KIF26B: variants seen among roughly 807,000 people sequenced by gnomAD.
KIF26B encodes the protein kinesin-like protein KIF26B.
A neutral mutation model predicts 151.2 loss-of-function variants in KIF26B; 63 were observed. That is an observed-to-expected ratio of 0.42 (90% CI 0.34 to 0.51). The LOEUF is 0.51. KIF26B is among the 20% of genes least tolerant of loss of function. The pLI is 0.07. For missense variants in KIF26B, 2,813 were observed against 2,913.6 expected, an observed-to-expected ratio of 0.97 and a Z score of 0.79; for synonymous variants, 1,357 against 1,262.1, an observed-to-expected ratio of 1.08 and a Z score of -1.59.
intron 10 of KIF26B, among the ~76,000 whole-genome samples, chr1:245,672,846 A>T (rs1438083052): frequency 6.6e-6 from 1 of 152,126 alleles, no homozygotes; most frequent in Admixed American, 6.5e-5. Flanking sequence ...GGTTGGTAAT[A>T]CTGTATTGTA....
intron 3 of KIF26B, among the ~76,000 whole-genome samples, chr1:245,405,874 C>T (rs1471605099): frequency 6.6e-6 from 1 of 152,166 alleles, no homozygotes; most frequent in East Asian, 1.9e-4. Context: ...CAAGTCGAAA[C>T]TGGAACCATG....
chr1:245,639,257 G>C (rs974471183), intron 9 of KIF26B, among the ~76,000 whole-genome samples: 5 of 151,594 alleles, frequency 3.3e-5, no homozygotes, highest in Admixed American at 2.6e-4. Flanking sequence ...CAATTTATTG[G>C]CATATAGTTA....
rs77957691 is a variant in KIF26B, at chr1:245,526,313, C to T, written c.1167-14454C>T. ...GGAAAGGAGGGGATGTGAATTTCTG[C>T]CTCTCTGCCTCTAGTGGGGCTGCTA... On this transcript the variant is annotated intron_variant, in intron 4 of 14. Coordinates refer to ENST00000407071, the MANE Select transcript of KIF26B (RefSeq NM_018012.4). Among the ~76,000 whole-genome samples, 4 of 152,258 alleles carry T rather than the reference C, an allele frequency of 2.6e-5. No individual in the cohort carries two copies. In the East Asian group the frequency reaches 7.7e-4, roughly 29 times the overall value.
chr1:245,382,726 G>A (rs1324975617), intron 3 of KIF26B, among the ~76,000 whole-genome samples: 1 of 151,582 alleles, frequency 6.6e-6, no homozygotes, highest in Non-Finnish European at 1.5e-5. Context: ...GCACCACCAC[G>A]CCCGGCTAAT....
At chr1:245,470,338 C>G (rs113747300) in intron 4 of KIF26B, among the ~76,000 whole-genome samples, 196 of 152,188 alleles carry the variant, frequency 1.3e-3, no homozygotes, top group African/African-American at 4.3e-3. Flanking sequence ...GAAAAGAAAG[C>G]AGTGGATTCA....
intron 4 of KIF26B, among the ~76,000 whole-genome samples, chr1:245,508,625 T>G (rs1244380514): frequency 6.6e-6 from 1 of 152,158 alleles, no homozygotes; most frequent in Non-Finnish European, 1.5e-5. Context: ...TTTCACCAAA[T>G]TTAGTGACCG....
In KIF26B at chr1:245,155,017, C is replaced by T; in HGVS notation, c.-408C>T. On this transcript the variant is annotated 5_prime_UTR_variant, in exon 1 of 15. Coordinates refer to ENST00000407071, the MANE Select transcript of KIF26B (RefSeq NM_018012.4). Reference sequence around the variant, plus strand: ...AAGCTCGGTGAAGGAGACAAGTTCCCACAGCTGACTCGGCTCGGCTCTCCC... The same window carrying T: ...AAGCTCGGTGAAGGAGACAAGTTCCTACAGCTGACTCGGCTCGGCTCTCCC... 4.6e-6 allele frequency: 2 copies of T among 434,972 alleles called. No individual in the cohort carries two copies. The highest frequency in any genetic ancestry group is 8.0e-6 in the Non-Finnish European group (2 of 251,002). 26.9% of individuals were successfully genotyped at this position (434,972 alleles called of 1,614,324 possible).
intron 5 of KIF26B, among the ~76,000 whole-genome samples, chr1:245,580,258 G>A (rs1157085281): frequency 1.3e-5 from 2 of 152,306 alleles, no homozygotes; most frequent in East Asian, 3.9e-4. Context: ...CCCTTTGCCA[G>A]TGGGACATCA....
At chr1:245,579,456 C>T (rs952635939) in intron 5 of KIF26B, among the ~76,000 whole-genome samples, 3 of 151,962 alleles carry the variant, frequency 2.0e-5, no homozygotes, top group Non-Finnish European at 4.4e-5. Flanking sequence ...TATGATTGTA[C>T]CACTGCACTC....
chr1:245,462,555 A>C (rs977523139), intron 4 of KIF26B, among the ~76,000 whole-genome samples: 7 of 152,190 alleles, frequency 4.6e-5, no homozygotes, highest in African/African-American at 1.7e-4. Context: ...TGACTGTCAC[A>C]GCAATGGATT....
chr1:245,467,302 C>T (rs1205999153), intron 4 of KIF26B, among the ~76,000 whole-genome samples: 1 of 152,236 alleles, frequency 6.6e-6, no homozygotes, highest in African/African-American at 2.4e-5. Context: ...TTCTGTGTTT[C>T]GGTCTCATCC....
At chr1:245,490,293 G>A (rs1209356455) in intron 4 of KIF26B, among the ~76,000 whole-genome samples, 2 of 146,746 alleles carry the variant, frequency 1.4e-5, no homozygotes, top group South Asian at 2.2e-4. Context: ...TACCAACCAA[G>A]CTTCTGTAGA....
At chr1:245,553,832 G>A (rs1661953701) in intron 5 of KIF26B, among the ~76,000 whole-genome samples, 1 of 152,106 alleles carries the variant, frequency 6.6e-6, no homozygotes, top group African/African-American at 2.4e-5. Flanking sequence ...AGAATTCTGT[G>A]TCTAGAGCAC....
chr1:245,236,071 A>G (rs897984704), intron 2 of KIF26B, among the ~76,000 whole-genome samples: 1 of 152,002 alleles, frequency 6.6e-6, no homozygotes, highest in Admixed American at 6.6e-5. Context: ...CTGGGACTAC[A>G]GGTGTGCGCC....
chr1:245,708,441 C>T lies in KIF26B; in HGVS notation c.*5835C>T, dbSNP rs761252715. 4 of 152,190 alleles carry T rather than the reference C, an allele frequency of 2.6e-5. No homozygotes were observed. The highest frequency in any genetic ancestry group is 5.9e-5 in the Non-Finnish European group (4 of 68,042). The allele number at this position is 152,190 out of a possible 1,614,324, so 9.4% of individuals were successfully genotyped here. ...TCATATTGCACCAGGTATGTGTAGA[C>T]ATGAACACATACCATTCCTCTAAGG... On this transcript the variant is annotated 3_prime_UTR_variant, in exon 15 of 15. Transcript: ENST00000407071.
chr1:245,682,009 G>A (rs1470272257), intron 10 of KIF26B, among the ~76,000 whole-genome samples: 1 of 152,194 alleles, frequency 6.6e-6, no homozygotes, highest in Non-Finnish European at 1.5e-5. Context: ...TTGGGAGGCC[G>A]AGGCGGGCGG....
At chr1:245,436,890 CT>C (rs539810099) in intron 4 of KIF26B, among the ~76,000 whole-genome samples, 8,774 of 122,088 alleles carry the variant, frequency 0.072, 224 homozygotes, top group Middle Eastern at 0.11. Context: ...TTCTCCCTCT[CT>C]TTTTTTTTTT....
At chr1:245,618,474 G>GGGGCTGTGTCCGCTGCGTCAGTGTCC (rs1237378418) in intron 9 of KIF26B, among the ~76,000 whole-genome samples, 3 of 151,208 alleles carry the variant, frequency 2.0e-5, no homozygotes, top group Admixed American at 6.6e-5. Context: ...CCACAGTGCT[G>GGGGCTGTGTCCGCTGCGTCAGTGTCC]GGGCTGTGTC....
intron 2 of KIF26B, among the ~76,000 whole-genome samples, chr1:245,250,778 A>G (rs1670428507): frequency 6.6e-6 from 1 of 152,008 alleles, no homozygotes; most frequent in African/African-American, 2.4e-5. Flanking sequence ...GTATTGTCTT[A>G]TTTGTGTCCA....
Sources: gnomAD v4.1 joint callset for allele counts (sites outside exome capture counted in the v4.1 genomes callset) on GRCh38, gnomAD v4.1.1 for gene constraint, MANE v1.5 for transcripts, NCBI Gene and HGNC (gene_info 2026-07-23, HGNC 2026-07-21) for gene names.